Variants in OTUD7A observed in about 807,000 individuals in gnomAD.
OTUD7A encodes the protein OTU deubiquitinase 7A, also known as OTU domain-containing protein 7A.
In OTUD7A, 12 loss-of-function variants were observed where a neutral mutation model predicts 65.7. The observed-to-expected ratio is 0.18, with a 90% confidence interval of 0.12 to 0.30. The LOEUF is 0.30. Ranked by LOEUF, OTUD7A falls within the 10% of genes least tolerant of loss-of-function variation. The pLI is 1.00. For missense variants in OTUD7A, 1,148 were observed against 1,304.8 expected (o/e 0.88, Z 1.85); for synonymous variants, 641 against 586.3 (o/e 1.09, Z -1.35).
intron 1 of OTUD7A, among the ~76,000 whole-genome samples, chr15:31,769,719 A>G (rs1895183071): frequency 6.6e-6 from 1 of 152,246 alleles, no homozygotes; most frequent in African/African-American, 2.4e-5. Flanking sequence ...AACATAATAC[A>G]TAGCATATGA....
Position 31,610,615 on chromosome 15 carries a change from A to ATTTTTTT in OTUD7A, c.152-40419_152-40418insAAAAAAA, listed in dbSNP as rs1336235314. On this transcript the variant is annotated intron_variant, in intron 3 of 12. Coordinates refer to ENST00000307050, the MANE Select transcript of OTUD7A (RefSeq NM_001382637.1). ...AAATTATATATATATATATATATATATATTTTTTTTTTTTTTTTTTTTTTG... is the reference window on the plus strand; with the variant it reads ...AAATTATATATATATATATATATATATTTTTTTTATTTTTTTTTTTTTTTTTTTTTTG... Among the ~76,000 whole-genome samples the ATTTTTTT allele has an allele frequency of 6.3e-3, 205 of 32,782 alleles. 4 individuals are homozygous for ATTTTTTT. Among genetic ancestry groups the ATTTTTTT allele is most frequent in the East Asian group, 0.015 (10 of 654 alleles). 21.5% of individuals were successfully genotyped at this position (32,782 alleles called of 152,430 possible).
intron 9 of OTUD7A, among the ~76,000 whole-genome samples, chr15:31,502,130 T>C (rs991569754): frequency 1.3e-5 from 2 of 152,348 alleles, no homozygotes; most frequent in Non-Finnish European, 2.9e-5. Flanking sequence ...AGCCCACCTT[T>C]TTCTGGATGT....
chr15:31,662,922 C>T (rs917673073), intron 1 of OTUD7A, among the ~76,000 whole-genome samples: 1 of 152,120 alleles, frequency 6.6e-6, no homozygotes, highest in African/African-American at 2.4e-5. Flanking sequence ...CTGCTCAAAT[C>T]AAAGCTATTG....
chr15:31,532,389 T>C (rs1887652379), intron 5 of OTUD7A, among the ~76,000 whole-genome samples: 1 of 152,036 alleles, frequency 6.6e-6, no homozygotes, highest in Non-Finnish European at 1.5e-5. Flanking sequence ...GCAGATATAA[T>C]AGGGACTGAA....
chr15:31,798,043 C>T lies in OTUD7A; in HGVS notation c.-100+72464G>A, dbSNP rs191940686. Among the ~76,000 whole-genome samples, 976 of 152,196 alleles carry T rather than the reference C, an allele frequency of 6.4e-3. 3 individuals carry two copies. Among genetic ancestry groups the T allele is most frequent in the Non-Finnish European group, 9.7e-3 (662 of 67,998 alleles). ...TGGGCATTGCTCTGTGTGTGGACATCCCCAGTGACTGATATCTTCTTATAA... is the reference window on the plus strand; with the variant it reads ...TGGGCATTGCTCTGTGTGTGGACATTCCCAGTGACTGATATCTTCTTATAA... On this transcript the variant is annotated intron_variant, in intron 1 of 12. Coordinates refer to ENST00000307050, the MANE Select transcript of OTUD7A (RefSeq NM_001382637.1).
intron 1 of OTUD7A, among the ~76,000 whole-genome samples, chr15:31,824,916 C>A (rs1896763188): frequency 6.6e-6 from 1 of 152,142 alleles, no homozygotes. Context: ...GCTAAGCTCT[C>A]TGATTTATGG....
intron 3 of OTUD7A, among the ~76,000 whole-genome samples, chr15:31,573,728 C>G (rs1889121332): frequency 6.6e-6 from 1 of 152,162 alleles, no homozygotes; most frequent in South Asian, 2.1e-4. Context: ...TGGCGAAACC[C>G]TGTCTCTACC....
At chr15:31,659,045 A>AATGAATG (rs1566964172) in intron 1 of OTUD7A, among the ~76,000 whole-genome samples, 33 of 94,370 alleles carry the variant, frequency 3.5e-4, no homozygotes, top group Admixed American at 7.9e-4. Context: ...ATGAATGAAT[A>AATGAATG]AATAAATAAA....
intron 12 of OTUD7A, among the ~76,000 whole-genome samples, chr15:31,486,811 G>A (rs2041244552): frequency 6.6e-6 from 1 of 152,262 alleles, no homozygotes; most frequent in Non-Finnish European, 1.5e-5. Context: ...TCTGATCTTA[G>A]CAGATAGTTT....
intron 1 of OTUD7A, among the ~76,000 whole-genome samples, chr15:31,856,880 G>A (rs1234272945): frequency 1.3e-5 from 2 of 152,220 alleles, no homozygotes; most frequent in Non-Finnish European, 1.5e-5. Context: ...AGAAGTTGGT[G>A]GAGAAGGGGC....
At position 31,479,950 on chromosome 15, in the gene OTUD7A, A is replaced by G. The variant is rs1340117443; in HGVS notation, c.*3344T>C. On this transcript the variant is annotated 3_prime_UTR_variant, in exon 13 of 13. Coordinates refer to ENST00000307050, the MANE Select transcript of OTUD7A (RefSeq NM_001382637.1). ...TTTAAGAGGAAAGGTGCAGTACCAA[A>G]ATCCATGAACAGAAAAAAGGAAATC... 6.6e-6 allele frequency: 1 copy of G among 152,238 alleles called. No individual in the cohort carries two copies. Among genetic ancestry groups the G allele is most frequent in the Non-Finnish European group, 1.5e-5 (1 of 68,046 alleles). The allele number at this position is 152,238 out of a possible 1,614,324, so 9.4% of individuals were successfully genotyped here.
intron 1 of OTUD7A, among the ~76,000 whole-genome samples, chr15:31,680,002 T>A (rs2141304611): frequency 6.6e-6 from 1 of 152,280 alleles, no homozygotes; most frequent in East Asian, 1.9e-4. Context: ...CTCAAATGAC[T>A]AGTCGACAAA....
In OTUD7A at chr15:31,484,718, G is replaced by A. The variant is rs958638372; in HGVS notation, c.1378C>T (p.Leu460=). The A allele has an allele frequency of 4.4e-6, 7 of 1,590,114 alleles. No individual in the cohort carries two copies. In the African/African-American group the frequency reaches 8.0e-5, roughly 18 times the overall value. The stretch of plus-strand genomic sequence containing the variant: ...GCCGTGGGAGACTCCGGCTGTGCCA[G>A]GGGCGCCTGTGTGGAGAGGGAGGGC... ...IRIPSETRAP[L]AQPESPTASA... The change falls in exon 13 of 13, where the codon CTG becomes TTG. Residue 460 remains leucine (L), a synonymous_variant. Transcript: ENST00000307050. The surrounding 1 kb of genome is among the most constrained non-coding windows in gnomAD (Gnocchi z 4.5).
intron 1 of OTUD7A, among the ~76,000 whole-genome samples, chr15:31,790,491 TAAAAA>T (rs1219336206): frequency 2.6e-5 from 4 of 151,942 alleles, no homozygotes; most frequent in Non-Finnish European, 5.9e-5. Flanking sequence ...ACAGGATAAA[TAAAAA>T]AGAAGAGGAA....
At position 31,487,196 on chromosome 15, in the gene OTUD7A, G is replaced by A. The variant is rs750145765; in HGVS notation, c.1369C>T (p.Arg457Trp). The change falls in exon 12 of 13, where the codon CGG becomes TGG. Residue 457 changes from arginine to tryptophan, a missense_variant and splice_region_variant. Coordinates refer to ENST00000307050, the MANE Select transcript of OTUD7A (RefSeq NM_001382637.1). This position sits in a 1 kb window ranked among gnomAD's most constrained non-coding sequence, Gnocchi z 6.0. ...VTWIRIPSET[R>W]APLAQPESPT... ...GGTCCCAGCACAGCCAGGCTCACCC[G>A]TGTCTCGGAGGGGATCCGGATCCAC... 4.3e-6 allele frequency: 7 copies of A among 1,613,570 alleles called. No homozygotes were observed. In the South Asian group the frequency reaches 5.5e-5, roughly 13 times the overall value.
At chr15:31,615,217 C>G (rs1890550241) in intron 3 of OTUD7A, among the ~76,000 whole-genome samples, 1 of 152,008 alleles carries the variant, frequency 6.6e-6, no homozygotes, top group African/African-American at 2.4e-5. Flanking sequence ...TTTAAAAAAC[C>G]TTAATTTTAC....
rs528575905 is a variant in OTUD7A, at chr15:31,536,064, T to G, written c.551-5256A>C. Among the ~76,000 whole-genome samples, 32 of 152,194 alleles carry G rather than the reference T, an allele frequency of 2.1e-4. No individual in the cohort carries two copies. The South Asian group carries it at 6.6e-3, about 32-fold the overall frequency. Reference sequence around the variant, plus strand: ...CTTCAGGAGGATGTACTCCACAAAATGAGGGTGGAAACCAAAACCAGAGAA... The same window carrying G: ...CTTCAGGAGGATGTACTCCACAAAAGGAGGGTGGAAACCAAAACCAGAGAA... On this transcript the variant is annotated intron_variant, in intron 5 of 12. Transcript: ENST00000307050.
intron 3 of OTUD7A, among the ~76,000 whole-genome samples, chr15:31,581,569 G>C (rs916295356): frequency 1.3e-5 from 2 of 152,218 alleles, no homozygotes; most frequent in Admixed American, 6.5e-5. Context: ...CTCACTTCTT[G>C]ACTTCTGTGC....
At chr15:31,769,141 C>G (rs1895165468) in intron 1 of OTUD7A, among the ~76,000 whole-genome samples, 1 of 152,100 alleles carries the variant, frequency 6.6e-6, no homozygotes, top group East Asian at 1.9e-4. Flanking sequence ...CAACAAAATA[C>G]ATAGGTCAAA....
Sources: gnomAD v4.1 joint callset for allele counts (sites outside exome capture counted in the v4.1 genomes callset) on GRCh38, gnomAD v4.1.1 for gene constraint, Gnocchi (gnomAD v3.1) non-coding constraint, MANE v1.5 for transcripts, NCBI Gene and HGNC (gene_info 2026-07-23, HGNC 2026-07-21) for gene names.